The following ATP13A3 variants were observed in gnomAD, a reference collection of about 807,000 sequenced individuals.
ATP13A3 encodes ATPase 13A3, also known as polyamine-transporting ATPase 13A3.
A neutral mutation model predicts 158.1 loss-of-function variants in ATP13A3; 59 were observed. The observed-to-expected ratio is 0.37, with a 90% CI of 0.30 to 0.46. The LOEUF (loss-of-function observed/expected upper bound fraction) is 0.46. Ranked by LOEUF, ATP13A3 falls within the 20% of genes least tolerant of loss-of-function variation. The probability of loss-of-function intolerance (pLI) is 1.00; values close to 1 mark genes in which losing one functional copy is unlikely to be tolerated. For synonymous variants in ATP13A3, 491 were observed against 504.3 expected (o/e 0.97, Z 0.35); for missense variants, 1,166 against 1,525.2 (o/e 0.76, Z 3.92).
rs71179358 is a variant in ATP13A3 at position 194,409,693 on chromosome 3, ATTTTTTTTTTT to A, written c.3573+2495_3573+2505del. On this transcript the variant is annotated intron_variant, in intron 33 of 33. Transcript: ENST00000645319. ...TGCTTGATAATCACTGACGTAAAGAATTTTTTTTTTTTTTTTTTTTTTTTTTTGGTCAGAGA... is the reference window on the plus strand; with the variant it reads ...TGCTTGATAATCACTGACGTAAAGAATTTTTTTTTTTTTTTTGGTCAGAGA... 3.8e-3 allele frequency among the ~76,000 whole-genome samples: 359 copies of A among 93,998 alleles called. 6 individuals carry two copies. The highest frequency in any genetic ancestry group is 0.016 in the African/African-American group (328 of 20,354). 61.7% of individuals were successfully genotyped at this position (93,998 alleles called of 152,430 possible).
intron 31 of ATP13A3, among the ~76,000 whole-genome samples, chr3:194,419,549 C>T (rs530062209): frequency 2.0e-4 from 30 of 152,152 alleles, no homozygotes; most frequent in Non-Finnish European, 4.3e-4. Flanking sequence ...ATGGCCAAAA[C>T]ACAAAAGGGA....
Position 194,419,966 on chromosome 3 carries a change from ATCTGG to A in ATP13A3, c.3314-4_3314del. ...AAAAAATCACAGAAAAAACAAAAAA[ATCTGG>A]AAAAGACAGCAAAAGTAAAACAAGT... On this transcript the variant is annotated splice_acceptor_variant and splice_polypyrimidine_tract_variant and coding_sequence_variant and intron_variant, in exon 31 of 34. Coordinates refer to ENST00000645319, the MANE Select transcript of ATP13A3 (RefSeq NM_001367549.1). LOFTEE classifies it high-confidence loss of function. 1 of 1,530,058 alleles carries A rather than the reference ATCTGG, an allele frequency of 6.5e-7. No homozygotes were observed. 94.8% of individuals were successfully genotyped at this position (1,530,058 alleles called of 1,614,324 possible).
intron 33 of ATP13A3, among the ~76,000 whole-genome samples, chr3:194,410,909 T>TA (rs1715360370): frequency 9.0e-6 from 1 of 110,640 alleles, no homozygotes; most frequent in Non-Finnish European, 1.7e-5. Context: ...TAACTATATA[T>TA]ATGGGGGTGG....
At chr3:194,466,005 T>C (rs1395600642) in intron 2 of ATP13A3, among the ~76,000 whole-genome samples, 1 of 151,938 alleles carries the variant, frequency 6.6e-6, no homozygotes, top group African/African-American at 2.4e-5. Context: ...TTATAAACTT[T>C]TAAAACACCA....
intron 9 of ATP13A3, 31 bp from the exon 10 acceptor site, chr3:194,453,809 C>T (rs1180418226): frequency 6.4e-7 from 1 of 1,550,560 alleles, no homozygotes; most frequent in Non-Finnish European, 8.9e-7. Flanking sequence ...TAGAAACTAG[C>T]CAATATGAAC....
rs750238749 is a variant in ATP13A3 at position 194,459,936 on chromosome 3, G to A, written c.261C>T (p.Arg87=). ...EFKMWFCAKI[R]VLSLETYPVS... Reference sequence around the variant, plus strand: ...CTGGGTAAGTTTCCAAAGAAAGAACGCGAATTTTTGCACAAAACCACATTT... The same window carrying A: ...CTGGGTAAGTTTCCAAAGAAAGAACACGAATTTTTGCACAAAACCACATTT... The change falls in exon 5 of 34, where the codon CGC becomes CGT. Residue 87 remains arginine, a synonymous_variant. Coordinates refer to ENST00000645319, the MANE Select transcript of ATP13A3 (RefSeq NM_001367549.1). 5.7e-5 allele frequency: 92 copies of A among 1,612,702 alleles called. 1 individual carries two copies. The highest frequency in any genetic ancestry group is 4.9e-4 in the South Asian group (45 of 90,930).
At chr3:194,457,234 C>G in intron 6 of ATP13A3, 60 bp from the exon 7 acceptor site, 2 of 1,311,258 alleles carry the variant, frequency 1.5e-6, no homozygotes, top group Non-Finnish European at 2.2e-6. Flanking sequence ...TTTCTTAACG[C>G]CTCATTTTTC....
intron 33 of ATP13A3, among the ~76,000 whole-genome samples, chr3:194,410,295 G>GCAAA (rs1715270471): frequency 4.4e-4 from 1 of 2,290 alleles, no homozygotes; most frequent in Non-Finnish European, 3.0e-3. Context: ...CCTCCTCTCT[G>GCAAA]CAAAAAAAAA....
chr3:194,422,651 T>C (rs1251416507), intron 30 of ATP13A3, among the ~76,000 whole-genome samples: 1 of 152,148 alleles, frequency 6.6e-6, no homozygotes, highest in Non-Finnish European at 1.5e-5. Flanking sequence ...GTGCTGTTCA[T>C]GATACCAGAT....
chr3:194,412,316 T>C (rs1180610732), intron 32 of ATP13A3, 28 bp from the exon 33 acceptor site: 4 of 1,500,420 alleles, frequency 2.7e-6, no homozygotes, highest in Non-Finnish European at 3.6e-6. Context: ...GAGTTAAGAA[T>C]TAATAATGAC....
At chr3:194,484,304 T>C (rs965714279) in intron 2 of ATP13A3, among the ~76,000 whole-genome samples, 3 of 152,212 alleles carry the variant, frequency 2.0e-5, no homozygotes, top group African/African-American at 4.8e-5. Flanking sequence ...GTTGAGACCA[T>C]ATGTAAAGAA....
rs1332170673 is a variant in ATP13A3, at chr3:194,425,385, G to A, written c.3270C>T (p.Ala1090=). ...GCCTGAAGGGTTTTCCTTTTGAAAA[G>A]GCAATTGCCACTATGAGGTACTGAA... The part of the protein sequence containing the change: ...SSFQYLIVAI[A]FSKGKPFRQP... Residue 1090 remains alanine (A), a synonymous_variant, in exon 30 of 34, where the codon GCC becomes GCT. Transcript: ENST00000645319. 1 of 1,612,358 alleles carries A rather than the reference G, an allele frequency of 6.2e-7. No individual in the cohort carries two copies. Among genetic ancestry groups the A allele is most frequent in the Non-Finnish European group, 8.5e-7 (1 of 1,179,532 alleles).
At chr3:194,444,891 C>T (rs1188311248) in intron 14 of ATP13A3, 105 bp from the exon 15 acceptor site, 1 of 805,858 alleles carries the variant, frequency 1.2e-6, no homozygotes, top group Non-Finnish European at 2.0e-6. Context: ...AACTATGCTA[C>T]ATATAACATA....
chr3:194,465,824 AC>A (rs1719955054), intron 2 of ATP13A3, among the ~76,000 whole-genome samples: 1 of 151,188 alleles, frequency 6.6e-6, no homozygotes, highest in African/African-American at 2.5e-5. Context: ...ACACACACAC[AC>A]ACAAAAATTA....
chr3:194,442,426 C>T (rs1233269728), intron 15 of ATP13A3, among the ~76,000 whole-genome samples: 1 of 151,998 alleles, frequency 6.6e-6, no homozygotes, highest in African/African-American at 2.4e-5. Flanking sequence ...AGCGAGACAC[C>T]CATACCAATT....
At chr3:194,493,746 T>A (rs986902395) in intron 2 of ATP13A3, among the ~76,000 whole-genome samples, 2 of 152,182 alleles carry the variant, frequency 1.3e-5, no homozygotes, top group African/African-American at 4.8e-5. Flanking sequence ...GTCTACCTTA[T>A]TCATGTTTTT....
rs1348230434 is a variant in ATP13A3 at position 194,455,992 on chromosome 3, AC to A, written c.561-31del. ...AACAGGAAAATACATTCATAGTATT[AC>A]ATTATATCATAATAGTATAATTTAC... On this transcript the variant is annotated intron_variant, in intron 7 of 33. Transcript: ENST00000645319. 3 of 1,306,112 alleles carry A rather than the reference AC, an allele frequency of 2.3e-6. No individual in the cohort carries two copies. In the African/African-American group the frequency reaches 4.6e-5, roughly 20 times the overall value. The allele number at this position is 1,306,112 out of a possible 1,614,324, so 80.9% of individuals were successfully genotyped here. A position where few individuals can be genotyped will look rare whatever the true frequency, so the allele number is the denominator to read the frequency against.
In ATP13A3 at chr3:194,470,842, G is replaced by A. The variant is rs535850316; in HGVS notation, c.-46-8606C>T. Among the ~76,000 whole-genome samples, 11 of 152,192 alleles carry A rather than the reference G, an allele frequency of 7.2e-5. No homozygotes were observed. In the East Asian group the frequency reaches 1.9e-3, roughly 27 times the overall value. ...TACTATCTACGATGAAAAATGCTGC[G>A]GCAGGCAACAGGAAACAGTGATAAG... On this transcript the variant is annotated intron_variant, in intron 2 of 33. Transcript: ENST00000645319.
chr3:194,474,460 G>C (rs60310393), intron 2 of ATP13A3, among the ~76,000 whole-genome samples: 6,672 of 152,196 alleles, frequency 0.044, 362 homozygotes, highest in African/African-American at 0.13. Flanking sequence ...AAAAGAAATC[G>C]TGTGGCATGG....
Sources: gnomAD v4.1 joint callset for allele counts (sites outside exome capture counted in the v4.1 genomes callset) on GRCh38, gnomAD v4.1.1 for gene constraint, MANE v1.5 for transcripts, NCBI Gene and HGNC (gene_info 2026-07-23, HGNC 2026-07-21) for gene names.